DGKK: variants seen among roughly 807,000 people sequenced by gnomAD.
The protein encoded by DGKK is diacylglycerol kinase kappa.
Under a neutral mutation model 92.2 loss-of-function variants are expected in DGKK, and 35 were observed. The observed-to-expected ratio is 0.38, with a 90% confidence interval of 0.29 to 0.50. The LOEUF is 0.50. Ranked by LOEUF, DGKK falls within the 20% of genes least tolerant of loss-of-function variation. DGKK has a pLI of 0.92. For missense variants in DGKK, 910 were observed against 992.2 expected, an observed-to-expected ratio of 0.92 and a Z score of 1.11; for synonymous variants, 368 against 360.6, an observed-to-expected ratio of 1.02 and a Z score of -0.23.
intron 7 of DGKK, among the ~76,000 whole-genome samples, chrX:50,402,673 G>A (rs1925039891): frequency 9.0e-6 from 1 of 111,509 alleles, no homozygotes; most frequent in Non-Finnish European, 1.9e-5. Flanking sequence ...ATAATAATGT[G>A]TTAATATTAT....
At chrX:50,403,466 G>C in intron 6 of DGKK, 25 bp downstream of exon 6, 1 of 1,171,945 alleles carries the variant, frequency 8.5e-7, no homozygotes, top group Non-Finnish European at 1.2e-6. Flanking sequence ...GAGGCCGACT[G>C]TGGGAAGACA....
At position 50,384,826 on chromosome X, in the gene DGKK, T is replaced by C; in HGVS notation, c.2348-2A>G. 1 of 1,189,790 alleles carries C rather than the reference T, an allele frequency of 8.4e-7. No individual in the cohort carries two copies. The highest frequency in any genetic ancestry group is 1.8e-5 in the African/African-American group (1 of 56,514). On this transcript the variant is annotated splice_acceptor_variant, in intron 15 of 27. Transcript: ENST00000611977. LOFTEE classifies it high-confidence loss of function. ...TCTGTCTGCTTTCCTCATCCAGAGC[T>C]ATAGAGAAAAGTGGGAGGAAGGAAA...
intron 1 of DGKK, among the ~76,000 whole-genome samples, chrX:50,443,709 T>C (rs1926222190): frequency 9.3e-6 from 1 of 107,236 alleles, no homozygotes; most frequent in Admixed American, 1.0e-4. Flanking sequence ...TCATTTTGTG[T>C]GTGTGTGTGT....
chrX:50,392,478 T>C, intron 9 of DGKK, 29 bp from the exon 10 acceptor site: 1 of 1,114,106 alleles, frequency 9.0e-7, no homozygotes, highest in African/African-American at 1.8e-5. Context: ...AAGGGGGTCA[T>C]TTCATGAACA....
intron 1 of DGKK, among the ~76,000 whole-genome samples, chrX:50,434,697 A>G (rs1316763394): frequency 3.6e-5 from 4 of 111,137 alleles, no homozygotes; most frequent in African/African-American, 9.8e-5. Flanking sequence ...AAAAAAAAAC[A>G]GTCCTTTAGA....
chrX:50,449,409 T>G (rs1454560984), intron 1 of DGKK, among the ~76,000 whole-genome samples: 1 of 111,521 alleles, frequency 9.0e-6, no homozygotes, highest in Non-Finnish European at 1.9e-5. Context: ...GGTTGAAACA[T>G]CTAAGACAAC....
chrX:50,420,097 T>C (rs190503540), intron 4 of DGKK, among the ~76,000 whole-genome samples: 119 of 111,767 alleles, frequency 1.1e-3, no homozygotes, highest in African/African-American at 3.7e-3. Flanking sequence ...CCGGTTTTCC[T>C]AACCTAAGGG....
At chrX:50,415,306 A>G (rs1311419201) in intron 4 of DGKK, among the ~76,000 whole-genome samples, 1 of 111,924 alleles carries the variant, frequency 8.9e-6, no homozygotes, top group Non-Finnish European at 1.9e-5. Flanking sequence ...TAAACCCAGT[A>G]AGTTCGAAAT....
At chrX:50,412,592 A>T (rs1054905634) in intron 4 of DGKK, among the ~76,000 whole-genome samples, 1 of 112,372 alleles carries the variant, frequency 8.9e-6, no homozygotes, top group Non-Finnish European at 1.9e-5. Context: ...CTGATTTCAA[A>T]ACATAGGTAA....
chrX:50,371,040 C>A (rs1368023908), intron 26 of DGKK, among the ~76,000 whole-genome samples: 1 of 112,627 alleles, frequency 8.9e-6, no homozygotes, highest in Non-Finnish European at 1.9e-5. Flanking sequence ...CCTGCCAGGC[C>A]AGCTGCTTCC....
At chrX:50,446,923 G>T (rs1926322705) in intron 1 of DGKK, among the ~76,000 whole-genome samples, 1 of 110,316 alleles carries the variant, frequency 9.1e-6, no homozygotes, top group Non-Finnish European at 1.9e-5. Context: ...GTGTGCATGT[G>T]CATGTACGCT....
chrX:50,403,298 C>A (rs781860711), intron 6 of DGKK, 115 bp from the exon 7 acceptor site: 1 of 938,210 alleles, frequency 1.1e-6, no homozygotes, highest in East Asian at 3.4e-5. Flanking sequence ...ACCCAAATGA[C>A]CCTGCCCTCC....
chrX:50,406,466 C>T (rs782260137), intron 4 of DGKK, among the ~76,000 whole-genome samples: 1 of 111,344 alleles, frequency 9.0e-6, no homozygotes, highest in Non-Finnish European at 1.9e-5. Context: ...TAAGATGAGG[C>T]CATAATGGAT....
intron 21 of DGKK, 105 bp downstream of exon 21, chrX:50,378,473 C>T (rs1461548167): frequency 1.1e-5 from 9 of 821,770 alleles, no homozygotes; most frequent in Non-Finnish European, 1.6e-5. Flanking sequence ...CTGCTCACTC[C>T]ACCCTGGCAT....
intron 4 of DGKK, among the ~76,000 whole-genome samples, chrX:50,406,937 A>G (rs1269606811): frequency 8.9e-6 from 1 of 111,914 alleles, no homozygotes; most frequent in Non-Finnish European, 1.9e-5. Context: ...GGTAATGGGT[A>G]GACTAGAAGA....
chrX:50,438,299 C>T lies in DGKK; in HGVS notation c.646-13941G>A, dbSNP rs191873199. On this transcript the variant is annotated intron_variant, in intron 1 of 27. Transcript: ENST00000611977. Reference sequence around the variant, plus strand: ...CTGGCATCTGATATCTACACCTTTTCTGAAATATTGTGCTAGGCCCTTTGT... The same window carrying T: ...CTGGCATCTGATATCTACACCTTTTTTGAAATATTGTGCTAGGCCCTTTGT... 4.3e-3 allele frequency among the ~76,000 whole-genome samples: 481 copies of T among 111,771 alleles called. 1 individual carries two copies. The highest frequency in any genetic ancestry group is 0.018 in the Middle Eastern group (4 of 218).
intron 15 of DGKK, 45 bp from the exon 16 acceptor site, chrX:50,384,869 AAGGGAGGGAGGAAGAAAGG>A: frequency 1.0e-6 from 1 of 987,406 alleles, no homozygotes; most frequent in Non-Finnish European, 1.4e-6. Context: ...AGAAAGGAGG[AAGGGAGGGAGGAAGAAAGG>A]AGGGAGGGAG....
At chrX:50,405,675 C>T (rs991402889) in intron 4 of DGKK, among the ~76,000 whole-genome samples, 16 of 111,431 alleles carry the variant, frequency 1.4e-4, no homozygotes, top group African/African-American at 4.9e-4. Context: ...CCACTTCTGG[C>T]ATGCTGGTTA....
At chrX:50,406,884 G>T (rs1185308863) in intron 4 of DGKK, among the ~76,000 whole-genome samples, 1 of 111,650 alleles carries the variant, frequency 9.0e-6, no homozygotes, top group African/African-American at 3.3e-5. Context: ...ATGGGGTGCT[G>T]CTGTAACAAA....
Sources: gnomAD v4.1 joint callset for allele counts (sites outside exome capture counted in the v4.1 genomes callset) on GRCh38, gnomAD v4.1.1 for gene constraint, MANE v1.5 for transcripts, NCBI Gene and HGNC (gene_info 2026-07-23, HGNC 2026-07-21) for gene names.